The following CDH13 variants were observed in gnomAD, a reference collection of about 807,000 sequenced individuals.
CDH13 encodes the protein cadherin 13.
Under a neutral mutation model 63.8 loss-of-function variants are expected in CDH13, and 24 were observed. The observed-to-expected ratio is 0.38, with a 90% CI of 0.27 to 0.53. The LOEUF (loss-of-function observed/expected upper bound fraction) is 0.53, where lower values mean the gene tolerates loss of function less well. Ranked by LOEUF, CDH13 falls within the 20% of genes least tolerant of loss-of-function variation. The pLI is 0.85. For missense variants in CDH13, 1,049 were observed against 903.1 expected, an observed-to-expected ratio of 1.16 and a Z score of -2.07; for synonymous variants, 503 against 355.3, an observed-to-expected ratio of 1.42 and a Z score of -4.67.
intron 6 of CDH13, among the ~76,000 whole-genome samples, chr16:83,470,089 C>G (rs957121278): frequency 3.9e-5 from 6 of 152,142 alleles, no homozygotes; most frequent in African/African-American, 1.2e-4. Context: ...CTCCTGGGCT[C>G]TTAGTTGGAG....
rs34156503 is a variant in CDH13 at position 83,672,409 on chromosome 16, C to CTTTTTTTTTTTTTTTTTT, written c.1284+1454_1284+1471dup. Among the ~76,000 whole-genome samples the CTTTTTTTTTTTTTTTTTT allele has an allele frequency of 8.5e-5, 3 of 35,108 alleles. 1 individual carries two copies. The highest frequency in any genetic ancestry group is 1.5e-4 in the Non-Finnish European group (3 of 19,850). 23.0% of individuals were successfully genotyped at this position (35,108 alleles called of 152,430 possible). On this transcript the variant is annotated intron_variant, in intron 9 of 13. Transcript: ENST00000567109. ...AGAGTGAGGCAGCTCTCTGGATTCT[C>CTTTTTTTTTTTTTTTTTT]TTTTTTTTTTTTTTTTTTTTTTTTT...
At chr16:82,889,300 A>ATCTC (rs59500269) in intron 2 of CDH13, among the ~76,000 whole-genome samples, 155 of 149,876 alleles carry the variant, frequency 1.0e-3, no homozygotes, top group Non-Finnish European at 9.8e-4. Context: ...TCTCTCTATT[A>ATCTC]TCTCTCTCTC....
At chr16:82,718,704 C>T (rs929813343) in intron 1 of CDH13, among the ~76,000 whole-genome samples, 14 of 152,162 alleles carry the variant, frequency 9.2e-5, no homozygotes, top group South Asian at 2.1e-4. Context: ...GAAGAGAACT[C>T]GTGCAGGGAA....
intron 2 of CDH13, among the ~76,000 whole-genome samples, chr16:82,909,300 G>A (rs529001018): frequency 6.0e-5 from 9 of 148,942 alleles, no homozygotes; most frequent in South Asian, 2.1e-4. Flanking sequence ...GTGTAGACAC[G>A]TAGAATTTTG....
intron 13 of CDH13, among the ~76,000 whole-genome samples, chr16:83,790,470 G>C (rs977148984): frequency 2.0e-5 from 3 of 152,092 alleles, no homozygotes; most frequent in Non-Finnish European, 4.4e-5. Flanking sequence ...CATGGTCTCT[G>C]CTCACCGCAA....
At chr16:83,011,198 T>C (rs145720298) in intron 2 of CDH13, among the ~76,000 whole-genome samples, 43 of 152,276 alleles carry the variant, frequency 2.8e-4, no homozygotes, top group African/African-American at 1.0e-3. Context: ...TAGGTTTTTC[T>C]ACATCTACCA....
At chr16:83,479,834 G>A (rs895379583) in intron 6 of CDH13, among the ~76,000 whole-genome samples, 4 of 152,198 alleles carry the variant, frequency 2.6e-5, no homozygotes, top group African/African-American at 9.7e-5. Context: ...CTTGTGCCCT[G>A]CAAGGGGCCA....
intron 2 of CDH13, among the ~76,000 whole-genome samples, chr16:82,865,025 G>T (rs1441814745): frequency 1.3e-5 from 2 of 152,224 alleles, no homozygotes; most frequent in Non-Finnish European, 2.9e-5. Context: ...AAATCTTAAA[G>T]CTCTGAAATG....
chr16:83,447,812 A>G (rs1286106926), intron 6 of CDH13, among the ~76,000 whole-genome samples: 1 of 151,142 alleles, frequency 6.6e-6, no homozygotes, highest in Admixed American at 6.6e-5. Flanking sequence ...TTAAATATCG[A>G]CTGTTTGCCA....
intron 3 of CDH13, among the ~76,000 whole-genome samples, chr16:83,061,135 C>T (rs897104099): frequency 6.6e-6 from 1 of 152,186 alleles, no homozygotes; most frequent in Admixed American, 6.5e-5. Context: ...CAGTCTTTCC[C>T]AAAGTTGCAC....
chr16:83,087,772 A>T (rs909535645), intron 3 of CDH13, among the ~76,000 whole-genome samples: 2 of 151,712 alleles, frequency 1.3e-5, no homozygotes, highest in Non-Finnish European at 2.9e-5. Context: ...TTTAAACCTA[A>T]TGATGTTTAT....
chr16:83,532,756 G>C (rs931853929), intron 7 of CDH13, among the ~76,000 whole-genome samples: 1 of 152,170 alleles, frequency 6.6e-6, no homozygotes, highest in African/African-American at 2.4e-5. Context: ...GTCCGGACTT[G>C]AGCGATCCTC....
At chr16:83,746,694 T>A (rs189379994) in intron 10 of CDH13, among the ~76,000 whole-genome samples, 1 of 152,258 alleles carries the variant, frequency 6.6e-6, no homozygotes, top group African/African-American at 2.4e-5. Context: ...CCATGTCACT[T>A]CATGGGGATG....
chr16:83,379,937 A>ATATG (rs1055632539), intron 6 of CDH13, among the ~76,000 whole-genome samples: 1 of 100,300 alleles, frequency 1.0e-5, no homozygotes, highest in Non-Finnish European at 2.3e-5. Flanking sequence ...ATATATATAT[A>ATATG]TAGAGAGAGA....
intron 5 of CDH13, among the ~76,000 whole-genome samples, chr16:83,274,494 G>T (rs2088921905): frequency 6.6e-6 from 1 of 152,178 alleles, no homozygotes; most frequent in Non-Finnish European, 1.5e-5. Context: ...ACTTACCACA[G>T]TTTGAACTTA....
chr16:83,614,982 T>G (rs2150768673), intron 8 of CDH13, among the ~76,000 whole-genome samples: 1 of 152,298 alleles, frequency 6.6e-6, no homozygotes, highest in East Asian at 1.9e-4. Flanking sequence ...TAAACTTTTC[T>G]TTCTGATTCT....
intron 11 of CDH13, among the ~76,000 whole-genome samples, chr16:83,770,452 A>T (rs1914684857): frequency 6.6e-6 from 1 of 152,194 alleles, no homozygotes; most frequent in African/African-American, 2.4e-5. Context: ...GACTGGAAAG[A>T]GGTCCCGATC....
At chr16:82,794,404 TTTC>T (rs1330449074) in intron 1 of CDH13, among the ~76,000 whole-genome samples, 3 of 126,118 alleles carry the variant, frequency 2.4e-5, no homozygotes, top group African/African-American at 7.6e-5. Context: ...GGAATTTTTT[TTTC>T]TTTTCTTTTC....
At chr16:83,651,826 C>T (rs1358105795) in intron 8 of CDH13, among the ~76,000 whole-genome samples, 1 of 152,090 alleles carries the variant, frequency 6.6e-6, no homozygotes, top group Admixed American at 6.5e-5. Flanking sequence ...GACTCCTGAC[C>T]TCAGGTGATC....
Sources: gnomAD v4.1 joint callset for allele counts (sites outside exome capture counted in the v4.1 genomes callset) on GRCh38, gnomAD v4.1.1 for gene constraint, MANE v1.5 for transcripts, NCBI Gene and HGNC (gene_info 2026-07-23, HGNC 2026-07-21) for gene names.